The following RAPGEF4 variants were observed in gnomAD, a reference collection of about 807,000 sequenced individuals.
RAPGEF4 encodes the protein Rap guanine nucleotide exchange factor 4.
RAPGEF4 carries 66 observed loss-of-function variants against 147.9 expected under a neutral mutation model. That is an observed-to-expected ratio of 0.45 (90% CI 0.37 to 0.55). The LOEUF (loss-of-function observed/expected upper bound fraction) is 0.55, where lower values mean the gene tolerates loss of function less well. Among genes scored for constraint, RAPGEF4 ranks in the 20% least tolerant of loss-of-function variants. The pLI, the probability that RAPGEF4 is intolerant of heterozygous loss-of-function variation, is 0.00. For synonymous variants in RAPGEF4, 419 were observed against 442.7 expected, an observed-to-expected ratio of 0.95 and a Z score of 0.67; for missense variants, 1,071 against 1,257.3, an observed-to-expected ratio of 0.85 and a Z score of 2.24.
At chr2:172,814,223 A>G (rs576025830) in intron 3 of RAPGEF4, 56 bp from the exon 4 acceptor site, 1 of 1,574,814 alleles carries the variant, frequency 6.3e-7, no homozygotes, top group South Asian at 1.1e-5. Context: ...AAGAAAAGAA[A>G]ACACCTACCC....
intron 1 of RAPGEF4, among the ~76,000 whole-genome samples, chr2:172,780,584 T>A (rs1684591751): frequency 6.6e-6 from 1 of 152,194 alleles, no homozygotes; most frequent in Admixed American, 6.5e-5. Context: ...AGAGCTTTTT[T>A]TTGGTTCCGC....
In RAPGEF4 at chr2:172,927,857, C is replaced by G. The variant is rs1032009213; in HGVS notation, c.537+5557C>G. ...AGTTGTGTCCCTCTGCTCTAGGGTA[C>G]CAGTGGCCTCACTAGTGCCATTACC... is the stretch of plus-strand genomic sequence containing the variant. On this transcript the variant is annotated intron_variant, in intron 6 of 30. Coordinates refer to ENST00000397081, the MANE Select transcript of RAPGEF4 (RefSeq NM_007023.4). Among the ~76,000 whole-genome samples the G allele has an allele frequency of 2.0e-5, 3 of 152,196 alleles. No individual in the cohort carries two copies. In the South Asian group the frequency reaches 6.2e-4, roughly 32 times the overall value.
chr2:172,925,454 G>T (rs1685188882), intron 6 of RAPGEF4, among the ~76,000 whole-genome samples: 1 of 152,092 alleles, frequency 6.6e-6, no homozygotes, highest in African/African-American at 2.4e-5. Context: ...GGATTATTTT[G>T]TCTACTATTT....
intron 3 of RAPGEF4, among the ~76,000 whole-genome samples, chr2:172,806,139 G>C (rs1429436240): frequency 6.6e-6 from 1 of 150,720 alleles, no homozygotes; most frequent in Non-Finnish European, 1.5e-5. Context: ...GGCTTTTTTG[G>C]CATAGTAAGT....
intron 23 of RAPGEF4, among the ~76,000 whole-genome samples, chr2:173,025,253 G>A (rs1361748873): frequency 2.0e-5 from 3 of 152,138 alleles, no homozygotes; most frequent in Admixed American, 6.5e-5. Context: ...TCCTCTCTTA[G>A]ACTGTAAACT....
intron 7 of RAPGEF4, 93 bp from the exon 8 acceptor site, chr2:172,961,029 C>A: frequency 2.9e-6 from 3 of 1,030,346 alleles, no homozygotes; most frequent in South Asian, 2.7e-5. Context: ...AAGCCAGAGT[C>A]AGATTGGAAA....
At chr2:172,803,419 C>G (rs1687167441) in intron 3 of RAPGEF4, among the ~76,000 whole-genome samples, 1 of 152,214 alleles carries the variant, frequency 6.6e-6, no homozygotes. Context: ...CGAGCTGTAC[C>G]ATGGCCCCTT....
In RAPGEF4 at chr2:173,017,538, A is replaced by G. The variant is rs773940818; in HGVS notation, c.2008+34A>G. 40 of 1,570,622 alleles carry G rather than the reference A, an allele frequency of 2.5e-5. 2 individuals carry two copies. In the South Asian group the frequency reaches 4.3e-4, roughly 17 times the overall value. On this transcript the variant is annotated intron_variant, in intron 21 of 30. Transcript: ENST00000397081. ...CCTCTTCCAACTAACTCGTAGTTGT[A>G]TAGATTATTTAGTCAGGATAATGGT...
At chr2:172,893,008 A>G (rs1698099142) in intron 4 of RAPGEF4, among the ~76,000 whole-genome samples, 1 of 152,212 alleles carries the variant, frequency 6.6e-6, no homozygotes, top group African/African-American at 2.4e-5. Flanking sequence ...TTTCCCTTAT[A>G]TTTATGGCAT....
intron 10 of RAPGEF4, among the ~76,000 whole-genome samples, chr2:172,972,221 T>C (rs1690568259): frequency 6.6e-6 from 1 of 152,200 alleles, no homozygotes; most frequent in Non-Finnish European, 1.5e-5. Flanking sequence ...CGTGAGAGCC[T>C]GTGTATTGTG....
chr2:172,953,526 A>T (rs1452660877), intron 6 of RAPGEF4, among the ~76,000 whole-genome samples: 1 of 152,016 alleles, frequency 6.6e-6, no homozygotes, highest in Non-Finnish European at 1.5e-5. Flanking sequence ...ATTTCAACTC[A>T]GTGAAATATA....
chr2:172,736,095 C>T (rs1358319076), intron 1 of RAPGEF4, 47 bp downstream of exon 1: 4 of 1,387,050 alleles, frequency 2.9e-6, no homozygotes, highest in East Asian at 3.3e-5. Flanking sequence ...TGCGGTGCTG[C>T]CCGGGCCCTG....
chr2:173,037,704 C>T (rs1466150335), intron 29 of RAPGEF4, among the ~76,000 whole-genome samples: 1 of 151,940 alleles, frequency 6.6e-6, no homozygotes, highest in Non-Finnish European at 1.5e-5. Flanking sequence ...GTGAATGTGG[C>T]GCCGTGAGAA....
At chr2:172,893,650 T>A (rs1218140053) in intron 4 of RAPGEF4, 2 of 152,238 alleles carry the variant, frequency 1.3e-5, no homozygotes, top group Admixed American at 6.5e-5. Context: ...ACTATCAAAT[T>A]TTTTATGAAG....
At chr2:173,028,612 A>G (rs1289606574) in intron 25 of RAPGEF4, among the ~76,000 whole-genome samples, 1 of 152,086 alleles carries the variant, frequency 6.6e-6, no homozygotes, top group Non-Finnish European at 1.5e-5. Flanking sequence ...TAGGTGAATG[A>G]GTAGGTGGAC....
chr2:173,018,736 A>C lies in RAPGEF4; in HGVS notation c.2089A>C (p.Ser697Arg). 3.1e-6 allele frequency: 5 copies of C among 1,614,166 alleles called. No homozygotes were observed. Among genetic ancestry groups the C allele is most frequent in the Non-Finnish European group, 4.2e-6 (5 of 1,180,010 alleles). ...GGCCACTTCGGTGAAGGAAGTCATC[A>C]GTGCAGTTGCCGACAAGCTGGGCTC... ...PVATSVKEVI[S>R]AVADKLGSGE... The change falls in exon 22 of 31, where the codon AGT (serine) becomes CGT (arginine). Residue 697 changes from serine to arginine, a missense_variant. By Grantham distance (110) the Ser-to-Arg change is moderately radical. Coordinates refer to ENST00000397081, the MANE Select transcript of RAPGEF4 (RefSeq NM_007023.4).
chr2:172,807,691 C>T (rs4972862), intron 3 of RAPGEF4, among the ~76,000 whole-genome samples: 9,020 of 152,186 alleles, frequency 0.059, 675 homozygotes, highest in East Asian at 0.36. Context: ...AAATATTTGC[C>T]TTGTTAGAAT....
intron 4 of RAPGEF4, among the ~76,000 whole-genome samples, chr2:172,914,415 A>C (rs1433475525): frequency 7.5e-6 from 1 of 133,246 alleles, no homozygotes; most frequent in Non-Finnish European, 1.5e-5. Flanking sequence ...GTTCACTGCA[A>C]CTTCCACCTT....
At chr2:172,924,745 T>A (rs1310515718) in intron 6 of RAPGEF4, among the ~76,000 whole-genome samples, 3 of 152,212 alleles carry the variant, frequency 2.0e-5, no homozygotes, top group Non-Finnish European at 4.4e-5. Flanking sequence ...TTATGATGAT[T>A]TCTTTTATCC....
Sources: gnomAD v4.1 joint callset for allele counts (sites outside exome capture counted in the v4.1 genomes callset) on GRCh38, gnomAD v4.1.1 for gene constraint, MANE v1.5 for transcripts, NCBI Gene and HGNC (gene_info 2026-07-23, HGNC 2026-07-21) for gene names.